Variants in MROH2A observed in about 807,000 individuals in gnomAD.
MROH2A encodes the protein maestro heat like repeat family member 2A.
Under a neutral mutation model 200.4 loss-of-function variants are expected in MROH2A, and 174 were observed. That is an observed-to-expected ratio of 0.87 (90% confidence interval 0.77 to 0.98). The LOEUF is 0.98. Among genes scored for constraint, MROH2A ranks in the 50% least tolerant of loss-of-function variants. The pLI is 0.00. For missense variants in MROH2A, 2,045 were observed against 2,139.6 expected, an observed-to-expected ratio of 0.96 and a Z score of 0.87; for synonymous variants, 829 against 840.4, an observed-to-expected ratio of 0.99 and a Z score of 0.23.
chr2:233,806,803 A>T (rs185106754), intron 19 of MROH2A, among the ~76,000 whole-genome samples: 6 of 151,932 alleles, frequency 3.9e-5, no homozygotes, highest in African/African-American at 1.2e-4. Context: ...TTTTTTTGAA[A>T]TTTTTTATTT....
chr2:233,792,677 C>T (rs1015693919), intron 5 of MROH2A, 119 bp from the exon 6 acceptor site: 5 of 664,502 alleles, frequency 7.5e-6, no homozygotes, highest in South Asian at 7.1e-5. Flanking sequence ...GGACAGAGGG[C>T]TAAGCCAGCT....
Position 233,789,898 on chromosome 2 carries a change from C to T in MROH2A, c.455C>T (p.Ala152Val). The change falls in exon 5 of 42, where the codon GCT becomes GTT. Residue 152 changes from alanine (A) to valine (V), a missense_variant. Physicochemically the swap from Ala to Val is moderately conservative, Grantham distance 64 (BLOSUM62 0). Around this residue, in one of 3 missense-constraint regions of MROH2A, gnomAD observed 831 missense variants for 800.0 expected, o/e 1.04. Coordinates refer to ENST00000389758, the MANE Select transcript of MROH2A (RefSeq NM_001394639.1). Reference protein sequence around the residue: ...KAEVASDTLVALSRNHFSLVM... With the variant: ...KAEVASDTLVVLSRNHFSLVM... ...GAGGTGGCCAGCGACACACTGGTGGCTCTGTCCCGAAACCACTTCAGCTTG... is the reference window on the plus strand; with the variant it reads ...GAGGTGGCCAGCGACACACTGGTGGTTCTGTCCCGAAACCACTTCAGCTTG... 1 of 1,550,434 alleles carries T rather than the reference C, an allele frequency of 6.4e-7. No individual in the cohort carries two copies. The highest frequency in any genetic ancestry group is 1.2e-5 in the South Asian group (1 of 84,062).
chr2:233,829,503 G>A (rs1024142616), intron 37 of MROH2A, 117 bp from the exon 38 acceptor site: 48 of 1,027,510 alleles, frequency 4.7e-5, no homozygotes, highest in East Asian at 9.5e-5. Flanking sequence ...ACACCCTGAC[G>A]GAATGATCCA....
intron 3 of MROH2A, among the ~76,000 whole-genome samples, chr2:233,782,946 T>C (rs1360641236): frequency 1.8e-5 from 1 of 54,612 alleles, no homozygotes; most frequent in Non-Finnish European, 4.0e-5. Flanking sequence ...ATTTATCAAA[T>C]ACTTTTTTTA....
At chr2:233,791,938 C>G (rs569881823) in intron 5 of MROH2A, among the ~76,000 whole-genome samples, 35 of 152,234 alleles carry the variant, frequency 2.3e-4, no homozygotes, top group African/African-American at 7.9e-4. Flanking sequence ...GGGGTGCACT[C>G]AGGGTGGGTG....
rs543652592 is a variant in MROH2A at position 233,829,168 on chromosome 2, G to A, written c.4446+96G>A. ...ATGGGCTCTAGAGCAGAAAAGAGCC[G>A]AGGCTCCTGCTGGGTGTCAGTTTAG... On this transcript the variant is annotated intron_variant, in intron 37 of 41. Transcript: ENST00000389758. 1.2e-4 allele frequency: 144 copies of A among 1,200,982 alleles called. 1 individual carries two copies. In the Admixed American group the frequency reaches 2.2e-3, roughly 18 times the overall value. 74.4% of individuals were successfully genotyped at this position (1,200,982 alleles called of 1,614,324 possible).
intron 3 of MROH2A, among the ~76,000 whole-genome samples, chr2:233,781,931 T>C (rs1296875134): frequency 6.6e-6 from 1 of 152,246 alleles, no homozygotes; most frequent in Non-Finnish European, 1.5e-5. Context: ...AGTTTCATTC[T>C]TCTGCATATG....
intron 39 of MROH2A, 50 bp from the exon 40 acceptor site, chr2:233,832,127 T>G: frequency 7.0e-7 from 1 of 1,435,398 alleles, no homozygotes; most frequent in Non-Finnish European, 9.6e-7. Flanking sequence ...TGACAGCCCA[T>G]TGTCAGGGTC....
In MROH2A at chr2:233,792,878, C is replaced by T. The variant is rs766454124; in HGVS notation, c.654C>T (p.Arg218=). The T allele has an allele frequency of 5.8e-6, 9 of 1,550,546 alleles. No homozygotes were observed. The highest frequency in any genetic ancestry group is 1.4e-5 in the African/African-American group (1 of 73,166). Residue 218 remains arginine, a synonymous_variant, in exon 6 of 42, where the codon CGC becomes CGT. Transcript: ENST00000389758. The part of the protein sequence containing the change: ...MLRLANEAKI[R]QAICSAMETF... Reference sequence around the variant, plus strand: ...GACTTGCCAATGAAGCCAAGATACGCCAGGCGATCTGCAGTGGTGAGTGTC... The same window carrying T: ...GACTTGCCAATGAAGCCAAGATACGTCAGGCGATCTGCAGTGGTGAGTGTC...
intron 27 of MROH2A, among the ~76,000 whole-genome samples, chr2:233,817,793 A>G (rs997160404): frequency 2.0e-5 from 3 of 152,222 alleles, no homozygotes; most frequent in African/African-American, 7.2e-5. Flanking sequence ...GGGCCCACAG[A>G]TCCAGGCTGC....
chr2:233,822,714 G>T, intron 33 of MROH2A, 158 bp downstream of exon 33: 1 of 1,133,810 alleles, frequency 8.8e-7, no homozygotes, highest in African/African-American at 1.6e-5. Context: ...TGTCAAGCAC[G>T]GTGTGGTTTT....
At position 233,822,446 on chromosome 2, in the gene MROH2A, C is replaced by A. The variant is rs1704008687; in HGVS notation, c.3756C>A (p.Thr1252=). 3 of 1,551,060 alleles carry A rather than the reference C, an allele frequency of 1.9e-6. No individual in the cohort carries two copies. The highest frequency in any genetic ancestry group is 2.6e-6 in the Non-Finnish European group (3 of 1,147,112). ...ACTTCCTCCCTGACCTCATCTACAC[C>A]CTCCTGCTGCAGCTTGGAAGCAGCC... ...LPDFLPDLIY[T]LLLQLGSSHR... is the part of the protein sequence containing the mutation. The change falls in exon 33 of 42, where the codon ACC becomes ACA. Residue 1252 remains threonine (T), a synonymous_variant. Transcript: ENST00000389758.
intron 39 of MROH2A, 65 bp from the exon 40 acceptor site, chr2:233,832,112 A>G (rs213547): frequency 0.51 from 681,415 of 1,336,176 alleles, 176,374 homozygotes; most frequent in African/African-American, 0.61. Flanking sequence ...AACACGCTTG[A>G]TGAATGACAG....
intron 38 of MROH2A, 138 bp downstream of exon 38, chr2:233,829,913 C>G (rs1221586329): frequency 2.5e-6 from 2 of 797,450 alleles, no homozygotes; most frequent in African/African-American, 3.6e-5. Context: ...CCAGAGGCCA[C>G]AGCCTGCTCC....
At position 233,805,454 on chromosome 2, in the gene MROH2A, A is replaced by G. The variant is rs375897475; in HGVS notation, c.2052+343A>G. ...GCACCCCATGTTCATGGATTGAAAGATGCTATAGTTCAAATGGTGATACTC... is the reference window on the plus strand; with the variant it reads ...GCACCCCATGTTCATGGATTGAAAGGTGCTATAGTTCAAATGGTGATACTC... On this transcript the variant is annotated intron_variant, in intron 19 of 41. Transcript: ENST00000389758. Among the ~76,000 whole-genome samples the G allele has an allele frequency of 7.9e-5, 12 of 152,350 alleles. 1 individual carries two copies. The highest frequency in any genetic ancestry group is 2.4e-4 in the African/African-American group (10 of 41,578).
At chr2:233,823,708 GA>G (rs1193347541) in intron 35 of MROH2A, 44 bp downstream of exon 35, 3 of 1,538,200 alleles carry the variant, frequency 2.0e-6, no homozygotes, top group Admixed American at 3.9e-5. Context: ...AAGCGGAGGG[GA>G]TGGGGTCCCT....
At position 233,804,015 on chromosome 2, in the gene MROH2A, C is replaced by T. The variant is rs755091649; in HGVS notation, c.1750-36C>T. On this transcript the variant is annotated intron_variant, in intron 16 of 41. Coordinates refer to ENST00000389758, the MANE Select transcript of MROH2A (RefSeq NM_001394639.1). ...GCTCCAAGACAAGGAGCAAGGTGCT[C>T]AGGTGCTACTTCACTGGAGCCTTGG... 9 of 1,546,002 alleles carry T rather than the reference C, an allele frequency of 5.8e-6. No homozygotes were observed. In the South Asian group the frequency reaches 1.1e-4, roughly 18 times the overall value.
chr2:233,784,604 A>T (rs1559432333), intron 3 of MROH2A, among the ~76,000 whole-genome samples: 1 of 152,016 alleles, frequency 6.6e-6, no homozygotes, highest in Non-Finnish European at 1.5e-5. Context: ...CCCTGTGGTA[A>T]TGAGTTCACA....
chr2:233,797,788 T>C (rs569208152), intron 11 of MROH2A, among the ~76,000 whole-genome samples: 2 of 152,220 alleles, frequency 1.3e-5, no homozygotes, highest in Admixed American at 6.5e-5. Context: ...CCTATGTCCA[T>C]GTGTTCTCAC....
Sources: gnomAD v4.1 joint callset for allele counts (sites outside exome capture counted in the v4.1 genomes callset) on GRCh38, gnomAD v4.1.1 for gene constraint, gnomAD v4.1.1 regional missense constraint, MANE v1.5 for transcripts, NCBI Gene and HGNC (gene_info 2026-07-23, HGNC 2026-07-21) for gene names.